The following ERBB4 variants were observed in gnomAD, a reference collection of about 807,000 sequenced individuals.
The protein encoded by ERBB4 is erb-b2 receptor tyrosine kinase 4.
In ERBB4, 42 loss-of-function variants were observed where a neutral mutation model predicts 158.0. That is an observed-to-expected ratio of 0.27 (90% confidence interval 0.21 to 0.34). The LOEUF (loss-of-function observed/expected upper bound fraction) is 0.34. Among genes scored for constraint, ERBB4 ranks in the 10% least tolerant of loss-of-function variants. The probability of loss-of-function intolerance (pLI) is 1.00; values close to 1 mark genes in which losing one functional copy is unlikely to be tolerated. For missense variants in ERBB4, 1,333 were observed against 1,624.1 expected, an observed-to-expected ratio of 0.82 and a Z score of 3.08; for synonymous variants, 583 against 558.7, an observed-to-expected ratio of 1.04 and a Z score of -0.61.
intron 2 of ERBB4, among the ~76,000 whole-genome samples, chr2:212,009,216 A>T (rs2076327969): frequency 1.3e-5 from 2 of 152,026 alleles, no homozygotes; most frequent in African/African-American, 4.8e-5. Flanking sequence ...TGGAAAAAGG[A>T]TCTTTGCAGA....
At chr2:212,311,357 A>T (rs2087037129) in intron 1 of ERBB4, among the ~76,000 whole-genome samples, 1 of 150,874 alleles carries the variant, frequency 6.6e-6, no homozygotes, top group Non-Finnish European at 1.5e-5. Flanking sequence ...CAATAGAACA[A>T]AAAAGAAACA....
chr2:212,180,298 G>C (rs2081817390), intron 1 of ERBB4, among the ~76,000 whole-genome samples: 2 of 151,612 alleles, frequency 1.3e-5, no homozygotes, highest in Admixed American at 1.3e-4. Context: ...TTCGGGATAA[G>C]CATATTTTTT....
chr2:212,305,712 ACAC>A (rs2086786466), intron 1 of ERBB4, among the ~76,000 whole-genome samples: 1 of 151,462 alleles, frequency 6.6e-6, no homozygotes, highest in African/African-American at 2.4e-5. Context: ...CTACATGGCA[ACAC>A]TTGATAAAAA....
intron 1 of ERBB4, among the ~76,000 whole-genome samples, chr2:212,487,686 A>T (rs760422707): frequency 1.3e-5 from 2 of 152,106 alleles, no homozygotes. Flanking sequence ...GAGAGGCTAA[A>T]GGAAGAACGA....
chr2:212,298,333 A>G (rs1289395681), intron 1 of ERBB4, among the ~76,000 whole-genome samples: 1 of 151,836 alleles, frequency 6.6e-6, no homozygotes, highest in Admixed American at 6.6e-5. Flanking sequence ...ATCTTTCTGT[A>G]TCATCTAATT....
chr2:212,142,102 T>G (rs966106142), intron 1 of ERBB4, among the ~76,000 whole-genome samples: 2 of 152,200 alleles, frequency 1.3e-5, no homozygotes, highest in African/African-American at 2.4e-5. Context: ...AGTTTCAAAA[T>G]GCTGATTATC....
intron 25 of ERBB4, among the ~76,000 whole-genome samples, chr2:211,414,941 T>TGAGA (rs2063349718): frequency 6.6e-6 from 1 of 152,020 alleles, no homozygotes; most frequent in African/African-American, 2.4e-5. Flanking sequence ...GAAATAAAAG[T>TGAGA]GAGATATTTA....
At chr2:212,425,801 T>A (rs182620738) in intron 1 of ERBB4, among the ~76,000 whole-genome samples, 1 of 151,970 alleles carries the variant, frequency 6.6e-6, no homozygotes, top group Non-Finnish European at 1.5e-5. Flanking sequence ...TAACATTTTC[T>A]TGCTAGTTGG....
chr2:211,509,636 G>T (rs1322082948), intron 20 of ERBB4, among the ~76,000 whole-genome samples: 1 of 151,884 alleles, frequency 6.6e-6, no homozygotes, highest in Admixed American at 6.6e-5. Context: ...CACAGCAAAA[G>T]AAACTATCAA....
At chr2:212,524,852 G>A (rs1416733980) in intron 1 of ERBB4, among the ~76,000 whole-genome samples, 1 of 152,006 alleles carries the variant, frequency 6.6e-6, no homozygotes, top group Non-Finnish European at 1.5e-5. Flanking sequence ...ATTTTTATAT[G>A]TAACAGTAAT....
At position 211,817,848 on chromosome 2, in the gene ERBB4, GGATGGAAAGAATTTCCACAA is replaced by G. The variant is rs1327647733; in HGVS notation, c.422-29709_422-29690del. ...GTACACATGACAGCAACATTCAAGG[GGATGGAAAGAATTTCCACAA>G]GATGGAAAGAATTTGGGACCCCAAC... On this transcript the variant is annotated intron_variant, in intron 3 of 27. Coordinates refer to ENST00000342788, the MANE Select transcript of ERBB4 (RefSeq NM_005235.3). Among the ~76,000 whole-genome samples the G allele has an allele frequency of 2.8e-4, 43 of 152,084 alleles. 1 individual carries two copies. The highest frequency in any genetic ancestry group is 2.9e-5 in the Non-Finnish European group (2 of 68,028).
chr2:211,936,227 C>T (rs1386676347), intron 3 of ERBB4, among the ~76,000 whole-genome samples: 1 of 150,642 alleles, frequency 6.6e-6, no homozygotes, highest in Admixed American at 6.7e-5. Flanking sequence ...GAGACCGCCA[C>T]TTAAAAAAAA....
chr2:212,061,292 A>G (rs921625380), intron 2 of ERBB4, among the ~76,000 whole-genome samples: 1 of 151,628 alleles, frequency 6.6e-6, no homozygotes, highest in African/African-American at 2.4e-5. Flanking sequence ...ATCTCTACTA[A>G]AAATACAAAA....
chr2:211,934,530 C>G (rs145167993), intron 3 of ERBB4, among the ~76,000 whole-genome samples: 5,323 of 151,932 alleles, frequency 0.035, 127 homozygotes, highest in Middle Eastern at 0.088. Flanking sequence ...CTTTTTCGAG[C>G]CTGCCATTTT....
intron 2 of ERBB4, among the ~76,000 whole-genome samples, chr2:211,996,516 G>A (rs2082203972): frequency 6.6e-6 from 1 of 152,034 alleles, no homozygotes; most frequent in African/African-American, 2.4e-5. Flanking sequence ...ATCAACCAGG[G>A]AAATCCCATT....
intron 2 of ERBB4, among the ~76,000 whole-genome samples, chr2:212,117,538 T>C (rs1448403771): frequency 6.6e-6 from 1 of 152,204 alleles, no homozygotes; most frequent in Non-Finnish European, 1.5e-5. Flanking sequence ...CATTTACTTG[T>C]TCACCTTTTG....
intron 3 of ERBB4, among the ~76,000 whole-genome samples, chr2:211,940,808 A>G (rs1398753407): frequency 6.6e-6 from 1 of 151,990 alleles, no homozygotes; most frequent in Non-Finnish European, 1.5e-5. Flanking sequence ...TCTCCTTATT[A>G]TCTCTGATTC....
chr2:211,409,054 A>G (rs1016789051), intron 25 of ERBB4, among the ~76,000 whole-genome samples: 20 of 152,178 alleles, frequency 1.3e-4, no homozygotes, highest in Non-Finnish European at 2.5e-4. Context: ...AAACAAAATA[A>G]ATAAAGTAGA....
At chr2:211,527,584 C>T (rs2066383433) in intron 20 of ERBB4, among the ~76,000 whole-genome samples, 1 of 151,836 alleles carries the variant, frequency 6.6e-6, no homozygotes, top group African/African-American at 2.4e-5. Flanking sequence ...TTGTGTGAAC[C>T]ACTCTTATTT....
Sources: gnomAD v4.1 joint callset for allele counts (sites outside exome capture counted in the v4.1 genomes callset) on GRCh38, gnomAD v4.1.1 for gene constraint, MANE v1.5 for transcripts, NCBI Gene and HGNC (gene_info 2026-07-23, HGNC 2026-07-21) for gene names.